Variants in MECOM observed in about 807,000 individuals in gnomAD.
MECOM encodes MDS1 and EVI1 complex locus.
Under a neutral mutation model 116.3 loss-of-function variants are expected in MECOM, and 13 were observed. That is an observed-to-expected ratio of 0.11 (90% confidence interval 0.07 to 0.18). MECOM has a LOEUF of 0.18. MECOM is among the 10% of genes least tolerant of loss of function. MECOM has a pLI of 1.00. For synonymous variants in MECOM, 528 were observed against 535.2 expected (o/e 0.99, Z 0.19); for missense variants, 1,299 against 1,509.0 (o/e 0.86, Z 2.31).
intron 2 of MECOM, among the ~76,000 whole-genome samples, chr3:169,306,377 T>C (rs1462093270): frequency 6.6e-6 from 1 of 152,130 alleles, no homozygotes; most frequent in Non-Finnish European, 1.5e-5. Context: ...ACATATAAAA[T>C]AGAAAGAAGT....
At chr3:169,640,726 T>C (rs1299393310) in intron 1 of MECOM, among the ~76,000 whole-genome samples, 1 of 152,210 alleles carries the variant, frequency 6.6e-6, no homozygotes, top group Non-Finnish European at 1.5e-5. Context: ...GTGATGTCAA[T>C]GTCCAAGGTC....
chr3:169,467,713 A>G (rs1226084268), intron 1 of MECOM, among the ~76,000 whole-genome samples: 1 of 152,162 alleles, frequency 6.6e-6, no homozygotes, highest in Admixed American at 6.5e-5. Context: ...GTAAGCTTTC[A>G]TTGTTCGCTG....
chr3:169,107,741 C>T (rs1399301475), intron 10 of MECOM, among the ~76,000 whole-genome samples, 185 bp downstream of exon 10: 1 of 152,164 alleles, frequency 6.6e-6, no homozygotes, highest in Non-Finnish European at 1.5e-5. Flanking sequence ...ATTTCTATCC[C>T]ACTAAATGCC....
At chr3:169,635,902 T>C (rs1772685838) in intron 1 of MECOM, among the ~76,000 whole-genome samples, 1 of 152,208 alleles carries the variant, frequency 6.6e-6, no homozygotes, top group South Asian at 2.1e-4. Flanking sequence ...TGTCGAGCCT[T>C]CCCATAATTA....
intron 1 of MECOM, among the ~76,000 whole-genome samples, chr3:169,588,613 AT>A (rs924890587): frequency 4.6e-5 from 7 of 151,800 alleles, no homozygotes; most frequent in Middle Eastern, 3.4e-3. Flanking sequence ...TGATGGAGAG[AT>A]TTTTTTTTAA....
intron 1 of MECOM, among the ~76,000 whole-genome samples, chr3:169,481,309 T>G (rs1751244806): frequency 6.6e-6 from 1 of 152,128 alleles, no homozygotes; most frequent in Non-Finnish European, 1.5e-5. Context: ...CCTCAGCACT[T>G]TGGGAGGACG....
chr3:169,147,391 TA>T (rs1268553787), intron 2 of MECOM: 21 of 985,370 alleles, frequency 2.1e-5, no homozygotes, highest in Non-Finnish European at 2.5e-5. Context: ...ACTGTCTCTT[TA>T]AAGAGGATCT....
intron 1 of MECOM, among the ~76,000 whole-genome samples, chr3:169,571,011 A>G (rs1056207934): frequency 4.6e-5 from 7 of 152,190 alleles, no homozygotes; most frequent in African/African-American, 1.7e-4. Flanking sequence ...AGAGAAAGAA[A>G]TCAAGGGTAT....
chr3:169,451,252 G>GAAA (rs200448306), intron 1 of MECOM, among the ~76,000 whole-genome samples: 1 of 143,442 alleles, frequency 7.0e-6, no homozygotes, highest in African/African-American at 2.6e-5. Context: ...TTAAGATGGT[G>GAAA]AAAAAAAAAA....
intron 2 of MECOM, among the ~76,000 whole-genome samples, chr3:169,323,129 T>C (rs17679846): frequency 0.49 from 74,130 of 151,620 alleles, 18,881 homozygotes; most frequent in East Asian, 0.79. Context: ...TGTTAGACCT[T>C]AGACATGCAG....
intron 2 of MECOM, among the ~76,000 whole-genome samples, chr3:169,244,185 T>A (rs1755258340): frequency 6.6e-6 from 1 of 152,220 alleles, no homozygotes; most frequent in Non-Finnish European, 1.5e-5. Flanking sequence ...GAGCTTGCAT[T>A]AAAATCTACC....
chr3:169,159,777 T>C (rs1442835827), intron 2 of MECOM, among the ~76,000 whole-genome samples: 2 of 152,184 alleles, frequency 1.3e-5, no homozygotes, highest in African/African-American at 2.4e-5. Flanking sequence ...TGGGGCAGCC[T>C]GGATTCAAAT....
At chr3:169,234,200 A>C (rs1209258400) in intron 2 of MECOM, among the ~76,000 whole-genome samples, 2 of 152,120 alleles carry the variant, frequency 1.3e-5, no homozygotes, top group Non-Finnish European at 2.9e-5. Flanking sequence ...AAGGCTGAAA[A>C]GGTGAGTTTC....
intron 2 of MECOM, among the ~76,000 whole-genome samples, chr3:169,151,479 C>T (rs1027670142): frequency 6.6e-6 from 1 of 152,170 alleles, no homozygotes; most frequent in Non-Finnish European, 1.5e-5. Flanking sequence ...AAACTCCAAG[C>T]CTAACATCTT....
intron 1 of MECOM, among the ~76,000 whole-genome samples, chr3:169,555,382 A>C (rs1364971895): frequency 6.6e-6 from 1 of 152,238 alleles, no homozygotes; most frequent in Non-Finnish European, 1.5e-5. Flanking sequence ...GCATTTTGGC[A>C]AGGAAGGCAG....
intron 2 of MECOM, among the ~76,000 whole-genome samples, chr3:169,194,426 G>C (rs1031748383): frequency 1.3e-5 from 2 of 151,824 alleles, no homozygotes; most frequent in African/African-American, 4.8e-5. Flanking sequence ...TAACAAACCT[G>C]CACGTTGTGC....
At chr3:169,401,150 C>T (rs539582849) in intron 1 of MECOM, among the ~76,000 whole-genome samples, 4 of 152,286 alleles carry the variant, frequency 2.6e-5, no homozygotes, top group African/African-American at 7.2e-5. Flanking sequence ...GCACCATCAG[C>T]GTTGATGTCT....
At chr3:169,144,967 C>T in intron 2 of MECOM, 1 of 1,535,132 alleles carries the variant, frequency 6.5e-7, no homozygotes, top group Non-Finnish European at 8.9e-7. Context: ...CAGGCAATCA[C>T]CCAATTGCAG....
chr3:169,564,445 A>T (rs1762991659), intron 1 of MECOM, among the ~76,000 whole-genome samples: 1 of 152,254 alleles, frequency 6.6e-6, no homozygotes, highest in Non-Finnish European at 1.5e-5. Flanking sequence ...TAAAATACAA[A>T]TAATCTATAT....
Sources: gnomAD v4.1 joint callset for allele counts (sites outside exome capture counted in the v4.1 genomes callset) on GRCh38, gnomAD v4.1.1 for gene constraint, MANE v1.5 for transcripts, NCBI Gene and HGNC (gene_info 2026-07-23, HGNC 2026-07-21) for gene names.